The following CTU2 variants were observed in gnomAD, a reference collection of about 807,000 sequenced individuals.
CTU2 encodes the protein cytoplasmic tRNA 2-thiolation protein 2.
Under a neutral mutation model 64.1 loss-of-function variants are expected in CTU2, and 80 were observed. The observed-to-expected ratio is 1.25, with a 90% CI of 1.04 to 1.50. CTU2 has a LOEUF of 1.50. CTU2 is among the 40% of genes most tolerant of loss of function. The pLI is 0.00. For missense variants in CTU2, 1,110 were observed against 690.2 expected (o/e 1.61, Z -6.81); for synonymous variants, 482 against 285.3 (o/e 1.69, Z -6.95).
chr16:88,714,259 G>A (rs758149117), intron 10 of CTU2, 32 bp downstream of exon 10: 2 of 1,601,398 alleles, frequency 1.2e-6, no homozygotes, highest in South Asian at 1.1e-5. Context: ...TGCGGGGGGT[G>A]CGCGGGTGTG....
rs1175802549 is a variant in CTU2 at position 88,714,419 on chromosome 16, C to T, written c.1134C>T (p.Gly378=). The change falls in exon 11 of 15, where the codon GGC becomes GGT. Residue 378 remains glycine (G), a synonymous_variant. Transcript: ENST00000453996. ...AGCTGGTGAAGGGCCCCCGGGATGG[C>T]CCTGCTGCTGGCGACTCCGGCCCCC... ...SEKLVKGPRD[G]PAAGDSGPRC... The T allele has an allele frequency of 6.2e-7, 1 of 1,612,540 alleles. No individual in the cohort carries two copies. The highest frequency in any genetic ancestry group is 8.5e-7 in the Non-Finnish European group (1 of 1,179,834).
rs143459254 is a variant in CTU2, at chr16:88,714,597, G to A, written c.1212G>A (p.Thr404=). Residue 404 remains threonine (T), a synonymous_variant, in exon 12 of 15, where the codon ACG becomes ACA. Transcript: ENST00000453996. ...CCTCTCTGCTTGCAGACAGTGCCAC[G>A]GCTTTTGGGGCTCAGACCTCCTCGC... is the stretch of plus-strand genomic sequence containing the variant. The part of the protein sequence containing the change: ...ALDVDAADSA[T]AFGAQTSSRL... 60 of 1,612,520 alleles carry A rather than the reference G, an allele frequency of 3.7e-5. No individual in the cohort carries two copies. The highest frequency in any genetic ancestry group is 1.0e-4 in the Admixed American group (6 of 59,990).
intron 9 of CTU2, 139 bp from the exon 10 acceptor site, chr16:88,713,997 G>A: frequency 1.9e-6 from 2 of 1,047,656 alleles, no homozygotes; most frequent in Non-Finnish European, 2.8e-6. Context: ...GGGTTCTCTG[G>A]CTGCCTTGAG....
chr16:88,714,480 G>C lies in CTU2; in HGVS notation c.1195G>C (p.Ala399Pro). 6.2e-7 allele frequency: 1 copy of C among 1,612,626 alleles called. No homozygotes were observed. Among genetic ancestry groups the C allele is most frequent in the Non-Finnish European group, 8.5e-7 (1 of 1,179,878 alleles). ...LLCMCALDVDAADSATAFGAQ... is the reference protein window; with the variant it reads ...LLCMCALDVDPADSATAFGAQ... ...CTGCATGTGTGCCCTGGACGTCGAC[G>C]CCGCTGGTCTGTGTTTCATGCTCTT... The change falls in exon 11 of 15, where the codon GCC (alanine) becomes CCC (proline). Residue 399 changes from alanine to proline, a missense_variant. Ala to Pro is a conservative substitution (Grantham distance 27). Coordinates refer to ENST00000453996, the MANE Select transcript of CTU2 (RefSeq NM_001012759.3).
rs1181806240 is a variant in CTU2, at chr16:88,715,086, G to A, written c.1458G>A (p.Glu486=). ...LDPLPPYILA[E]AQLRTQRAWG... ...CCCTGCCGCCGTACATCCTGGCTGA[G>A]GCCCAGCTCCGCACACAGAGGTACT... is the stretch of plus-strand genomic sequence containing the variant. Residue 486 remains glutamate (E), a synonymous_variant, in exon 14 of 15, where the codon GAG becomes GAA. Coordinates refer to ENST00000453996, the MANE Select transcript of CTU2 (RefSeq NM_001012759.3). The A allele has an allele frequency of 5.7e-6, 9 of 1,577,830 alleles. No individual in the cohort carries two copies. The highest frequency in any genetic ancestry group is 7.8e-6 in the Non-Finnish European group (9 of 1,160,570).
In CTU2 at chr16:88,714,943, C is replaced by G. The variant is rs376143502; in HGVS notation, c.1419+17C>G. ...AAGGACTTGGTGAGTACGTGCCCAC[C>G]TGTCCTGGGCCGGGCTTGGGGACGC... On this transcript the variant is annotated intron_variant, in intron 13 of 14. Coordinates refer to ENST00000453996, the MANE Select transcript of CTU2 (RefSeq NM_001012759.3). 2.7e-4 allele frequency: 427 copies of G among 1,611,058 alleles called. No homozygotes were observed. Among genetic ancestry groups the G allele is most frequent in the Admixed American group, 7.8e-4 (47 of 59,936 alleles).
rs533451048 is a variant in CTU2, at chr16:88,713,838, C to G, written c.1005+60C>G. 42 of 1,601,340 alleles carry G rather than the reference C, an allele frequency of 2.6e-5. No homozygotes were observed. The South Asian group carries it at 4.3e-4, about 16-fold the overall frequency. ...TTGACACCGGGGTGGGCCATGTGGG[C>G]TGGGCAGCCTCTCACAGGCTCAGGT... On this transcript the variant is annotated intron_variant, in intron 9 of 14. Transcript: ENST00000453996.
Position 88,714,503 on chromosome 16 carries a change from C to G in CTU2, c.1201+17C>G. 1.2e-6 allele frequency: 2 copies of G among 1,612,640 alleles called. No homozygotes were observed. The highest frequency in any genetic ancestry group is 2.2e-5 in the East Asian group (1 of 44,864). ...ACGCCGCTGGTCTGTGTTTCATGCTCTTGGGGTGATGCGGGGAGGGAGCCA... is the reference window on the plus strand; with the variant it reads ...ACGCCGCTGGTCTGTGTTTCATGCTGTTGGGGTGATGCGGGGAGGGAGCCA... On this transcript the variant is annotated intron_variant, in intron 11 of 14. Transcript: ENST00000453996.
At position 88,706,505 on chromosome 16, in the gene CTU2, A is replaced by G. The variant is rs1263804647; in HGVS notation, c.-26A>G. The G allele has an allele frequency of 2.2e-6, 3 of 1,394,628 alleles. No homozygotes were observed. The highest frequency in any genetic ancestry group is 3.1e-5 in the East Asian group (1 of 32,432). The allele number at this position is 1,394,628 out of a possible 1,614,324, so 86.4% of individuals were successfully genotyped here. A position where few individuals can be genotyped will look rare whatever the true frequency, so the allele number is the denominator to read the frequency against. ...CGCGCCCTCGCGCTGTCGCCGCCAC[A>G]GTCTGCGACGGGACCCGGCGTGCCC... On this transcript the variant is annotated 5_prime_UTR_variant, in exon 1 of 15. Transcript: ENST00000453996.
Position 88,710,016 on chromosome 16 carries a change from G to T in CTU2, c.222G>T (p.Lys74Asn). Reference protein sequence around the residue: ...GKNRLIFPGEKVLLAWSGGPS... With the variant: ...GKNRLIFPGENVLLAWSGGPS... ...ACCGGCTCATCTTTCCAGGCGAGAAGGTAGCGTCTGGGTCCTGGGGGTCTG... is the reference window on the plus strand; with the variant it reads ...ACCGGCTCATCTTTCCAGGCGAGAATGTAGCGTCTGGGTCCTGGGGGTCTG... Residue 74 changes from lysine (K) to asparagine (N), a missense_variant and splice_region_variant, in exon 3 of 15, where the codon AAG (lysine) becomes AAT (asparagine). Lys to Asn is a moderately conservative substitution (Grantham distance 94). Coordinates refer to ENST00000453996, the MANE Select transcript of CTU2 (RefSeq NM_001012759.3). 6.2e-7 allele frequency: 1 copy of T among 1,613,860 alleles called. No individual in the cohort carries two copies. The highest frequency in any genetic ancestry group is 8.5e-7 in the Non-Finnish European group (1 of 1,179,974).
chr16:88,708,310 C>G (rs546678338), intron 2 of CTU2, among the ~76,000 whole-genome samples: 7 of 152,168 alleles, frequency 4.6e-5, no homozygotes, highest in African/African-American at 1.4e-4. Context: ...GAATCTACAT[C>G]GAGCTGGGAT....
Position 88,709,963 on chromosome 16 carries a change from C to T in CTU2, c.169C>T (p.His57Tyr). 3.7e-6 allele frequency: 6 copies of T among 1,614,000 alleles called. No homozygotes were observed. Among genetic ancestry groups the T allele is most frequent in the South Asian group, 1.1e-5 (1 of 91,084 alleles). The change falls in exon 3 of 15, where the codon CAC (histidine) becomes TAC (tyrosine). Residue 57 changes from histidine (H) to tyrosine (Y), a missense_variant. Transcript: ENST00000453996. The part of the protein sequence containing the change: ...CRDCFKAFYV[H>Y]KFRAMLGKNR... Reference sequence around the variant, plus strand: ...GGACTGTTTCAAGGCCTTCTACGTCCACAAGTTCAGAGCCATGCTGGGCAA... The same window carrying T: ...GGACTGTTTCAAGGCCTTCTACGTCTACAAGTTCAGAGCCATGCTGGGCAA...
chr16:88,713,924 C>G (rs1226242398), intron 9 of CTU2, 146 bp downstream of exon 9: 1 of 1,242,524 alleles, frequency 8.0e-7, no homozygotes. Flanking sequence ...CCTCTGAGCC[C>G]ACCCTGTGCC....
chr16:88,711,582 A>C, intron 4 of CTU2, 53 bp from the exon 5 acceptor site: 1 of 1,506,596 alleles, frequency 6.6e-7, no homozygotes, highest in Non-Finnish European at 9.0e-7. Context: ...GAGCTGGAAA[A>C]GTGTCCTGTG....
intron 6 of CTU2, 113 bp from the exon 7 acceptor site, chr16:88,712,509 C>G: frequency 2.7e-6 from 4 of 1,483,904 alleles, no homozygotes; most frequent in Non-Finnish European, 3.6e-6. Context: ...GTGGGAGGCA[C>G]CTGCCCGTGC....
rs1345128459 is a variant in CTU2, at chr16:88,714,204, C to G, written c.1074C>G (p.Pro358=). The G allele has an allele frequency of 5.1e-5, 82 of 1,610,028 alleles. No individual in the cohort carries two copies. The highest frequency in any genetic ancestry group is 6.8e-5 in the Non-Finnish European group (80 of 1,179,380). Residue 358 remains proline (P), a synonymous_variant, in exon 10 of 15, where the codon CCC becomes CCG. Transcript: ENST00000453996. The part of the protein sequence containing the change: ...AFILRLQTQF[P]STVSTVYRTS... The stretch of plus-strand genomic sequence containing the variant: ...TCCTCAGGCTGCAGACCCAGTTCCC[C>G]TCCACTGTCAGCACTGTGTACAGGT...
intron 2 of CTU2, 163 bp from the exon 3 acceptor site, chr16:88,709,775 G>A (rs1911168363): frequency 3.0e-6 from 2 of 668,496 alleles, no homozygotes; most frequent in Admixed American, 2.5e-5. Flanking sequence ...TGCCAGAGGG[G>A]CCAACCCCGC....
chr16:88,713,816 A>C, intron 9 of CTU2, 38 bp downstream of exon 9: 1 of 1,610,398 alleles, frequency 6.2e-7, no homozygotes, highest in South Asian at 1.1e-5. Flanking sequence ...CTCACCATTG[A>C]CACCGGGGTG....
In CTU2 at chr16:88,709,675, C is replaced by G. The variant is rs771578815; in HGVS notation, c.144-263C>G. Reference sequence around the variant, plus strand: ...GGGAGGGGTGCCGGGGCTCTGCCCTCGTTTGCTGGATGCAGCCTCCGTGGC... The same window carrying G: ...GGGAGGGGTGCCGGGGCTCTGCCCTGGTTTGCTGGATGCAGCCTCCGTGGC... On this transcript the variant is annotated intron_variant, in intron 2 of 14. Transcript: ENST00000453996. The G allele has an allele frequency of 1.4e-5, 7 of 501,958 alleles. No individual in the cohort carries two copies. The South Asian group carries it at 1.5e-4, about 10-fold the overall frequency. The allele number at this position is 501,958 out of a possible 1,614,324, so 31.1% of individuals were successfully genotyped here.
Sources: gnomAD v4.1 joint callset for allele counts (sites outside exome capture counted in the v4.1 genomes callset) on GRCh38, gnomAD v4.1.1 for gene constraint, MANE v1.5 for transcripts, NCBI Gene and HGNC (gene_info 2026-07-23, HGNC 2026-07-21) for gene names.